Variants in PTPRT observed in about 807,000 individuals in gnomAD.
The protein encoded by PTPRT is receptor-type tyrosine-protein phosphatase T.
Under a neutral mutation model 176.8 loss-of-function variants are expected in PTPRT, and 56 were observed. The observed-to-expected ratio is 0.32, with a 90% confidence interval of 0.26 to 0.40. PTPRT has a LOEUF of 0.40. Among genes scored for constraint, PTPRT ranks in the 10% least tolerant of loss-of-function variants. The probability of loss-of-function intolerance (pLI) is 1.00; values close to 1 mark genes in which losing one functional copy is unlikely to be tolerated. For synonymous variants in PTPRT, 783 were observed against 739.0 expected, an observed-to-expected ratio of 1.06 and a Z score of -0.96; for missense variants, 1,540 against 1,908.2, an observed-to-expected ratio of 0.81 and a Z score of 3.60.
chr20:42,691,355 C>T lies in PTPRT; in HGVS notation c.860-13196G>A, dbSNP rs1056238635. 5.9e-5 allele frequency among the ~76,000 whole-genome samples: 9 copies of T among 152,196 alleles called. No homozygotes were observed. In the East Asian group the frequency reaches 9.6e-4, roughly 16 times the overall value. ...TACCAGCCACAGAAAGAAAGGCTTA[C>T]GCAGAAGGTGTCTGTGGCTTTAGAG... On this transcript the variant is annotated intron_variant, in intron 6 of 30. Coordinates refer to ENST00000373187, the MANE Select transcript of PTPRT (RefSeq NM_007050.6).
intron 1 of PTPRT, among the ~76,000 whole-genome samples, chr20:43,177,821 T>C (rs778349013): frequency 4.6e-5 from 7 of 152,248 alleles, no homozygotes; most frequent in Non-Finnish European, 1.0e-4. Context: ...ACTAAAAAAT[T>C]CTGTTTTAAA....
At chr20:42,911,979 T>TTC (rs1978414154) in intron 1 of PTPRT, among the ~76,000 whole-genome samples, 1 of 148,500 alleles carries the variant, frequency 6.7e-6, no homozygotes, top group African/African-American at 2.5e-5. Flanking sequence ...CTCTTTTCTT[T>TTC]TTTTTTTTTT....
chr20:42,468,347 G>C (rs1423958770), intron 8 of PTPRT, among the ~76,000 whole-genome samples: 1 of 152,186 alleles, frequency 6.6e-6, no homozygotes, highest in Non-Finnish European at 1.5e-5. Context: ...GAGTTACCCA[G>C]CCAACAGAAG....
chr20:42,824,567 G>GA (rs2077959935), intron 2 of PTPRT, among the ~76,000 whole-genome samples: 1 of 151,730 alleles, frequency 6.6e-6, no homozygotes, highest in Admixed American at 6.6e-5. Flanking sequence ...TATAGTATTT[G>GA]AAAAAACAAT....
chr20:42,539,360 A>AT lies in PTPRT; in HGVS notation c.1154-66799_1154-66798insA, dbSNP rs1568961070. Reference sequence around the variant, plus strand: ...ATTACAAAAGTGGAGGATCACCATCACTTTTTTTTTTTTTTTTTGTGGTAA... The same window carrying AT: ...ATTACAAAAGTGGAGGATCACCATCATCTTTTTTTTTTTTTTTTTGTGGTAA... On this transcript the variant is annotated intron_variant, in intron 7 of 30. Transcript: ENST00000373187. 2.1e-3 allele frequency among the ~76,000 whole-genome samples: 275 copies of AT among 132,696 alleles called. 1 individual carries two copies. The highest frequency in any genetic ancestry group is 8.3e-3 in the African/African-American group (269 of 32,408). The allele number at this position is 132,696 out of a possible 152,430, so 87.1% of individuals were successfully genotyped here.
chr20:42,318,104 G>A (rs6030129), intron 11 of PTPRT, among the ~76,000 whole-genome samples: 4 of 152,006 alleles, frequency 2.6e-5, no homozygotes, highest in Non-Finnish European at 5.9e-5. Flanking sequence ...CATCTGAGAA[G>A]GTGTTAACAA....
rs1352121703 is a variant in PTPRT at position 42,189,118 on chromosome 20, C to CTTGACA, written c.2491+10121_2491+10122insTGTCAA. Reference sequence around the variant, plus strand: ...TTCCAAGGAGGCTCCAGCTACCATTCCAGCTTCGTCTCTGGCCATACATTC... The same window carrying CTTGACA: ...TTCCAAGGAGGCTCCAGCTACCATTCTTGACACAGCTTCGTCTCTGGCCATACATTC... On this transcript the variant is annotated intron_variant, in intron 16 of 30. Transcript: ENST00000373187. 1.6e-3 allele frequency among the ~76,000 whole-genome samples: 250 copies of CTTGACA among 152,302 alleles called. 3 individuals carry two copies. Among genetic ancestry groups the CTTGACA allele is most frequent in the Middle Eastern group, 6.8e-3 (2 of 294 alleles).
In PTPRT at chr20:42,605,967, C is replaced by T. The variant is rs905647733; in HGVS notation, c.1153+71899G>A. Among the ~76,000 whole-genome samples the T allele has an allele frequency of 2.6e-5, 4 of 152,332 alleles. No homozygotes were observed. The East Asian group carries it at 5.8e-4, about 22-fold the overall frequency. ...GCCTGATGGAGGCATGGTCTCAGAGCCTTGCTGCTCAAAGTGTGGTTGGTG... is the reference window on the plus strand; with the variant it reads ...GCCTGATGGAGGCATGGTCTCAGAGTCTTGCTGCTCAAAGTGTGGTTGGTG... On this transcript the variant is annotated intron_variant, in intron 7 of 30. Transcript: ENST00000373187.
In PTPRT at chr20:42,550,805, A is replaced by G. The variant is rs377488583; in HGVS notation, c.1154-78243T>C. ...CAGAAAACACTGAAAGGAAATAAGC[A>G]TGATGCACTATGTATCTATCATACA... On this transcript the variant is annotated intron_variant, in intron 7 of 30. Coordinates refer to ENST00000373187, the MANE Select transcript of PTPRT (RefSeq NM_007050.6). Among the ~76,000 whole-genome samples, 12 of 152,310 alleles carry G rather than the reference A, an allele frequency of 7.9e-5. No homozygotes were observed. In the East Asian group the frequency reaches 1.4e-3, roughly 17 times the overall value.
intron 2 of PTPRT, among the ~76,000 whole-genome samples, chr20:42,851,472 A>G (rs531524280): frequency 2.0e-5 from 3 of 152,282 alleles, no homozygotes; most frequent in Admixed American, 6.5e-5. Flanking sequence ...GGCATCTATA[A>G]TTATAATACC....
At chr20:42,201,730 C>CAA (rs57007206) in intron 15 of PTPRT, among the ~76,000 whole-genome samples, 22 of 74,034 alleles carry the variant, frequency 3.0e-4, no homozygotes, top group South Asian at 1.0e-3. Context: ...GAACCAGAGG[C>CAA]AAAAAAAAAA....
chr20:42,810,019 G>A (rs1411103200), intron 2 of PTPRT, among the ~76,000 whole-genome samples: 10 of 152,152 alleles, frequency 6.6e-5, no homozygotes, highest in African/African-American at 1.7e-4. Flanking sequence ...GGGGCCGGGC[G>A]CGGTGGCTCA....
chr20:42,140,224 T>TC (rs1988559141), intron 18 of PTPRT, among the ~76,000 whole-genome samples: 1 of 150,744 alleles, frequency 6.6e-6, no homozygotes, highest in South Asian at 2.1e-4. Context: ...TCATTCAGGA[T>TC]CCTTTTTTTT....
rs186663664 is a variant in PTPRT, at chr20:42,475,271, T to C, written c.1154-2709A>G. Among the ~76,000 whole-genome samples the C allele has an allele frequency of 3.3e-3, 509 of 152,218 alleles. 4 individuals carry two copies. The highest frequency in any genetic ancestry group is 0.014 in the Middle Eastern group (4 of 294). The stretch of plus-strand genomic sequence containing the variant: ...AGTACAGAGTAGCAAGGCCAGCAGG[T>C]GACAAAGTGCGGTTTTGAACTTGTG... On this transcript the variant is annotated intron_variant, in intron 7 of 30. Transcript: ENST00000373187.
chr20:42,863,552 T>G (rs6103074), intron 2 of PTPRT, among the ~76,000 whole-genome samples: 1 of 152,156 alleles, frequency 6.6e-6, no homozygotes, highest in African/African-American at 2.4e-5. Flanking sequence ...AATTCATGAG[T>G]AGTAACTGAT....
At chr20:43,103,999 C>T (rs1420787349) in intron 1 of PTPRT, among the ~76,000 whole-genome samples, 2 of 152,170 alleles carry the variant, frequency 1.3e-5, no homozygotes, top group East Asian at 1.9e-4. Context: ...GCGCTTGCCA[C>T]AGTAATTGCA....
rs189880856 is a variant in PTPRT, at chr20:42,814,506, T to A, written c.215-23040A>T. On this transcript the variant is annotated intron_variant, in intron 2 of 30. Transcript: ENST00000373187. The stretch of plus-strand genomic sequence containing the variant: ...AGAATATGTTTTCAATAAATGTAGT[T>A]ATGAATGAATGAGCTGTTATTACTC... 1.9e-3 allele frequency among the ~76,000 whole-genome samples: 296 copies of A among 152,330 alleles called. 1 individual carries two copies. The highest frequency in any genetic ancestry group is 2.4e-3 in the Non-Finnish European group (162 of 68,016).
intron 9 of PTPRT, among the ~76,000 whole-genome samples, chr20:42,405,457 C>T (rs1175317585): frequency 1.3e-5 from 2 of 152,074 alleles, no homozygotes; most frequent in African/African-American, 4.8e-5. Flanking sequence ...GTTTTTTGTC[C>T]TTGCGACAGT....
At chr20:43,009,985 C>G (rs1003923329) in intron 1 of PTPRT, among the ~76,000 whole-genome samples, 2 of 152,260 alleles carry the variant, frequency 1.3e-5, no homozygotes, top group Admixed American at 1.3e-4. Context: ...AACTCATCAT[C>G]TTTCCCACCA....
Sources: allele counts gnomAD v4.1 joint callset (sites outside exome capture counted in the v4.1 genomes callset), GRCh38; gene constraint gnomAD v4.1.1; transcripts MANE v1.5; gene names NCBI Gene and HGNC (gene_info 2026-07-23, HGNC 2026-07-21).